Variants in HSPA12A observed in about 807,000 individuals in gnomAD.
HSPA12A encodes heat shock 70 kDa protein 12A.
HSPA12A carries 28 observed loss-of-function variants against 69.2 expected under a neutral mutation model. The ratio of observed to expected loss-of-function variants is 0.40; its 90% CI spans 0.30 to 0.55. The LOEUF (loss-of-function observed/expected upper bound fraction) is 0.55. HSPA12A is among the 20% of genes least tolerant of loss of function. The probability of loss-of-function intolerance (pLI) is 0.38; values close to 1 mark genes in which losing one functional copy is unlikely to be tolerated. For missense variants in HSPA12A, 686 were observed against 900.7 expected, an observed-to-expected ratio of 0.76 and a Z score of 3.05; for synonymous variants, 345 against 370.5, an observed-to-expected ratio of 0.93 and a Z score of 0.79.
intron 8 of HSPA12A, 34 bp from the exon 9 acceptor site, chr10:116,681,290 G>C (rs782384805): frequency 1.2e-5 from 18 of 1,559,632 alleles, no homozygotes; most frequent in Non-Finnish European, 1.6e-5. Flanking sequence ...TACACAGACT[G>C]TTTGCCAACC....
At chr10:116,718,479 T>C (rs1249970225) in intron 1 of HSPA12A, among the ~76,000 whole-genome samples, 2 of 152,166 alleles carry the variant, frequency 1.3e-5, no homozygotes, top group African/African-American at 4.8e-5. Context: ...TTCCACTCTC[T>C]GCCAGTGCCC....
At chr10:116,845,155 T>C (rs1845859131) in intron 1 of HSPA12A, among the ~76,000 whole-genome samples, 2 of 152,218 alleles carry the variant, frequency 1.3e-5, no homozygotes, top group African/African-American at 4.8e-5. Flanking sequence ...CCAACACTGA[T>C]GGCTTGCCCA....
At chr10:116,758,026 A>G (rs549100455) in intron 2 of HSPA12A, among the ~76,000 whole-genome samples, 32 of 152,318 alleles carry the variant, frequency 2.1e-4, no homozygotes, top group Admixed American at 7.2e-4. Flanking sequence ...CTCCACCCCC[A>G]CAACATTTTC....
intron 2 of HSPA12A, among the ~76,000 whole-genome samples, chr10:116,817,686 A>G (rs1226551639): frequency 1.3e-5 from 2 of 152,184 alleles, no homozygotes; most frequent in Non-Finnish European, 2.9e-5. Flanking sequence ...CTTGTCACCC[A>G]AAGTCCCCCA....
chr10:116,770,071 G>A (rs1554890240), intron 2 of HSPA12A, among the ~76,000 whole-genome samples: 2 of 152,194 alleles, frequency 1.3e-5, no homozygotes, highest in Non-Finnish European at 2.9e-5. Context: ...TGTCCTTGGG[G>A]CAGGGTGCTG....
intron 6 of HSPA12A, among the ~76,000 whole-genome samples, chr10:116,688,486 T>A (rs1849643803): frequency 6.6e-6 from 1 of 152,250 alleles, no homozygotes; most frequent in South Asian, 2.1e-4. Context: ...ACTGAGAAGC[T>A]GAGGAGGTGG....
rs781875000 is a variant in HSPA12A at position 116,692,352 on chromosome 10, T to C, written c.662A>G (p.Gln221Arg). The C allele has an allele frequency of 6.2e-7, 1 of 1,613,020 alleles. No individual in the cohort carries two copies. Among genetic ancestry groups the C allele is most frequent in the Admixed American group, 1.7e-5 (1 of 60,020 alleles). The part of the protein sequence containing the change: ...AKQFMRQAAY[Q>R]AGLASPENSE... Reference sequence around the variant, plus strand: ...CACCCGCCCTGACTCTACCCTCACCTGGTAGGCAGCTTGTCTCATGAACTG... The same window carrying C: ...CACCCGCCCTGACTCTACCCTCACCCGGTAGGCAGCTTGTCTCATGAACTG... The change falls in exon 6 of 12, where the codon CAG (glutamine) becomes CGG (arginine). Residue 221 changes from glutamine to arginine, a missense_variant and splice_region_variant. Gln to Arg is a conservative substitution (Grantham distance 43). Transcript: ENST00000369209.
chr10:116,802,264 A>G (rs1419331696), intron 2 of HSPA12A, among the ~76,000 whole-genome samples: 1 of 152,222 alleles, frequency 6.6e-6, no homozygotes, highest in East Asian at 1.9e-4. Flanking sequence ...TGAGCTGCCC[A>G]GGCCCGTGGA....
rs1849158542 is a variant in HSPA12A, at chr10:116,674,102, G to C, written c.*679C>G. The stretch of plus-strand genomic sequence containing the variant: ...TGGCAAGTTTTCACCTGCTAAGAAT[G>C]TGAGGTATCAGCTCTCCTACTCACA... On this transcript the variant is annotated 3_prime_UTR_variant, in exon 12 of 12. Transcript: ENST00000369209. 6.6e-6 allele frequency: 1 copy of C among 152,092 alleles called. No individual in the cohort carries two copies. Among genetic ancestry groups the C allele is most frequent in the Non-Finnish European group, 1.5e-5 (1 of 68,138 alleles). The allele number at this position is 152,092 out of a possible 1,614,324, so 9.4% of individuals were successfully genotyped here. A position where few individuals can be genotyped will look rare whatever the true frequency, so the allele number is the denominator to read the frequency against.
At chr10:116,764,350 T>C (rs1589691952) in intron 2 of HSPA12A, among the ~76,000 whole-genome samples, 1 of 152,146 alleles carries the variant, frequency 6.6e-6, no homozygotes, top group South Asian at 2.1e-4. Context: ...CATAGACAAG[T>C]TGAAAATACA....
chr10:116,759,792 C>G (rs1216745332), intron 2 of HSPA12A, among the ~76,000 whole-genome samples: 3 of 152,028 alleles, frequency 2.0e-5, no homozygotes, highest in African/African-American at 4.8e-5. Context: ...TGGGAGGGAC[C>G]TGGTGGGAGG....
At chr10:116,705,088 C>A in intron 3 of HSPA12A, 63 bp downstream of exon 3, 2 of 1,595,286 alleles carry the variant, frequency 1.3e-6, no homozygotes, top group South Asian at 1.1e-5. Context: ...GCTCATTGCC[C>A]GGAGTCTCCA....
chr10:116,761,015 TA>T (rs11335769), intron 2 of HSPA12A, among the ~76,000 whole-genome samples: 105,820 of 151,610 alleles, frequency 0.7, 38,116 homozygotes, highest in South Asian at 0.8. Flanking sequence ...TCATAGAGGT[TA>T]AAAAAAAAGA....
rs552610415 is a variant in HSPA12A, at chr10:116,756,394, C to T, written c.92-49109G>A. ...AGACAGCTCCAGCAAATACTTGATT[C>T]GAGAAAACACATTACACTGTGTGCT... On this transcript the variant is annotated intron_variant, in intron 2 of 12. Coordinates refer to the HSPA12A transcript ENST00000635765. Among the ~76,000 whole-genome samples, 10 of 152,362 alleles carry T rather than the reference C, an allele frequency of 6.6e-5. No individual in the cohort carries two copies. The South Asian group carries it at 8.3e-4, about 13-fold the overall frequency.
intron 5 of HSPA12A, 49 bp downstream of exon 5, chr10:116,698,586 G>T: frequency 6.8e-7 from 1 of 1,460,754 alleles, no homozygotes; most frequent in Non-Finnish European, 9.6e-7. Context: ...AGCTGGCACG[G>T]GTGCCACCGC....
chr10:116,684,006 C>T (rs1554879152), intron 6 of HSPA12A, 44 bp from the exon 7 acceptor site: 19 of 1,486,436 alleles, frequency 1.3e-5, no homozygotes, highest in Non-Finnish European at 1.5e-5. Flanking sequence ...CCCCCTGGGC[C>T]GGCCTGCTCC....
chr10:116,707,153 GCACACACACACACACA>G (rs59728190), intron 2 of HSPA12A, 31 bp downstream of exon 2: 7 of 583,410 alleles, frequency 1.2e-5, no homozygotes, highest in East Asian at 6.2e-5. Flanking sequence ...ACCCATGCGC[GCACACACACACACACA>G]CACACACACA....
At chr10:116,805,188 C>T (rs1025819202) in intron 2 of HSPA12A, among the ~76,000 whole-genome samples, 5 of 151,986 alleles carry the variant, frequency 3.3e-5, no homozygotes, top group Non-Finnish European at 7.4e-5. Flanking sequence ...TGGTGGTGGG[C>T]GCCTGTAGTC....
intron 2 of HSPA12A, among the ~76,000 whole-genome samples, chr10:116,787,233 G>A (rs1414927623): frequency 6.6e-6 from 1 of 151,804 alleles, no homozygotes; most frequent in East Asian, 1.9e-4. Flanking sequence ...AGAGCAATCT[G>A]GAAATACCAA....
Sources: gnomAD v4.1 joint callset for allele counts (sites outside exome capture counted in the v4.1 genomes callset) on GRCh38, gnomAD v4.1.1 for gene constraint, MANE v1.5 for transcripts, NCBI Gene and HGNC (gene_info 2026-07-23, HGNC 2026-07-21) for gene names.